The following ZC2HC1C variants were observed in gnomAD, a reference collection of about 807,000 sequenced individuals.
ZC2HC1C encodes the protein zinc finger C2HC-type containing 1C, also known as zinc finger C2HC domain-containing protein 1C.
A neutral mutation model predicts 39.2 loss-of-function variants in ZC2HC1C; 25 were observed. The observed-to-expected ratio is 0.64, with a 90% CI of 0.47 to 0.89. The LOEUF (loss-of-function observed/expected upper bound fraction) is 0.89, where lower values mean the gene tolerates loss of function less well. ZC2HC1C is among the 40% of genes least tolerant of loss of function. The pLI is 0.00. For synonymous variants in ZC2HC1C, 209 were observed against 214.4 expected (o/e 0.97, Z 0.22); for missense variants, 519 against 548.6 (o/e 0.95, Z 0.54).
At position 75,079,141 on chromosome 14, in the gene ZC2HC1C, A is replaced by C. The variant is rs2139692041; in HGVS notation, c.*1577A>C. 1 of 151,158 alleles carries C rather than the reference A, an allele frequency of 6.6e-6. No individual in the cohort carries two copies. The highest frequency in any genetic ancestry group is 6.6e-5 in the Admixed American group (1 of 15,080). The allele number at this position is 151,158 out of a possible 1,614,324, so 9.4% of individuals were successfully genotyped here. On this transcript the variant is annotated 3_prime_UTR_variant, in exon 3 of 3. Coordinates refer to ENST00000524913, the MANE Select transcript of ZC2HC1C (RefSeq NM_024643.4). ...ACAGACAACAAAATCCTATTTTACT[A>C]AGTAACAAATGGCCACTCACTCTTG...
chr14:75,073,674 C>T, intron 2 of ZC2HC1C: 1 of 1,236,792 alleles, frequency 8.1e-7, no homozygotes, highest in Non-Finnish European at 1.1e-6. Flanking sequence ...ACGTAACTCC[C>T]AGCAGACGTA....
Position 75,071,323 on chromosome 14 carries a change from G to A in ZC2HC1C, c.750G>A (p.Thr250=), listed in dbSNP as rs369720613. The A allele has an allele frequency of 9.9e-6, 16 of 1,614,018 alleles. No homozygotes were observed. The highest frequency in any genetic ancestry group is 2.7e-5 in the African/African-American group (2 of 74,906). Residue 250 remains threonine, a synonymous_variant, in exon 2 of 3, where the codon ACG becomes ACA. Coordinates refer to ENST00000524913, the MANE Select transcript of ZC2HC1C (RefSeq NM_024643.4). ...AGGAGGAACTCAGAAGGATCCAGAC[G>A]CAAAAGGAACAGGCCAAGGAAAATG... ...KTEEELRRIQ[T]QKEQAKENEN... is the part of the protein sequence containing the mutation.
intron 2 of ZC2HC1C, among the ~76,000 whole-genome samples, chr14:75,075,169 C>T (rs1566630306): frequency 2.0e-5 from 3 of 152,158 alleles, no homozygotes; most frequent in Admixed American, 6.5e-5. Flanking sequence ...CATCTGTTAA[C>T]GTTTTTGTAA....
chr14:75,073,697 C>G (rs1038598922), intron 2 of ZC2HC1C: 1 of 1,124,398 alleles, frequency 8.9e-7, no homozygotes, highest in Admixed American at 2.3e-5. Flanking sequence ...CCCTGTCTCT[C>G]TCCTGGACTG....
chr14:75,074,465 A>G (rs1893574253), intron 2 of ZC2HC1C, among the ~76,000 whole-genome samples: 1 of 152,182 alleles, frequency 6.6e-6, no homozygotes, highest in African/African-American at 2.4e-5. Context: ...CAGCCCCCGG[A>G]GGCAGCCTTC....
In ZC2HC1C at chr14:75,079,215, C is replaced by CAAAAAA. The variant is rs66560922; in HGVS notation, c.*1666_*1671dup. 9.4e-5 allele frequency: 8 copies of CAAAAAA among 85,228 alleles called. No individual in the cohort carries two copies. Among genetic ancestry groups the CAAAAAA allele is most frequent in the Admixed American group, 1.4e-4 (1 of 7,154 alleles). 5.3% of individuals were successfully genotyped at this position (85,228 alleles called of 1,614,324 possible). A position where few individuals can be genotyped will look rare whatever the true frequency, so the allele number is the denominator to read the frequency against. On this transcript the variant is annotated 3_prime_UTR_variant, in exon 3 of 3. Transcript: ENST00000524913. ...CTGGTGACCTAGTGAGACTCCATCTCAAAAAAAAAAAAAAAAAAAAGAAAA... is the reference window on the plus strand; with the variant it reads ...CTGGTGACCTAGTGAGACTCCATCTCAAAAAAAAAAAAAAAAAAAAAAAAAAGAAAA...
chr14:75,077,702 C>T lies in ZC2HC1C; in HGVS notation c.*138C>T, dbSNP rs558479610. The stretch of plus-strand genomic sequence containing the variant: ...ACTGCATTCAGTGTCCTCAGTGTAG[C>T]CACCACTTTGCTCCCAAGGTGGCTG... On this transcript the variant is annotated 3_prime_UTR_variant, in exon 3 of 3. Coordinates refer to ENST00000524913, the MANE Select transcript of ZC2HC1C (RefSeq NM_024643.4). 12 of 1,037,136 alleles carry T rather than the reference C, an allele frequency of 1.2e-5. No individual in the cohort carries two copies. In the South Asian group the frequency reaches 1.8e-4, roughly 15 times the overall value. The allele number at this position is 1,037,136 out of a possible 1,614,324, so 64.2% of individuals were successfully genotyped here.
Position 75,070,965 on chromosome 14 carries a change from A to G in ZC2HC1C, c.392A>G (p.Lys131Arg). Residue 131 changes from lysine to arginine, a missense_variant, in exon 2 of 3, where the codon AAA becomes AGA. By Grantham distance (26) the Lys-to-Arg change is conservative. Transcript: ENST00000524913. ...NNQDFIPFTK[K>R]RVGVDRAFPL... ...CAGGACTTTATCCCCTTTACAAAGAAACGAGTTGGAGTGGACCGGGCGTTC... is the reference window on the plus strand; with the variant it reads ...CAGGACTTTATCCCCTTTACAAAGAGACGAGTTGGAGTGGACCGGGCGTTC... 1 of 1,614,194 alleles carries G rather than the reference A, an allele frequency of 6.2e-7. No individual in the cohort carries two copies. The highest frequency in any genetic ancestry group is 1.6e-4 in the Middle Eastern group (1 of 6,062).
intron 2 of ZC2HC1C, among the ~76,000 whole-genome samples, chr14:75,072,184 C>T (rs1893459184): frequency 1.3e-5 from 2 of 152,174 alleles, no homozygotes; most frequent in African/African-American, 2.4e-5. Context: ...GTGGCAGAGT[C>T]GGCATATAAA....
intron 2 of ZC2HC1C, among the ~76,000 whole-genome samples, chr14:75,072,552 G>A (rs1279599714): frequency 6.6e-6 from 1 of 152,190 alleles, no homozygotes; most frequent in Non-Finnish European, 1.5e-5. Flanking sequence ...TACAAACCAT[G>A]CCCTTGCCAA....
At position 75,069,755 on chromosome 14, in the gene ZC2HC1C, C is replaced by A. The variant is rs1893262963; in HGVS notation, c.-20+6C>A. 1 of 155,238 alleles carries A rather than the reference C, an allele frequency of 6.4e-6. No individual in the cohort carries two copies. Among genetic ancestry groups the A allele is most frequent in the Non-Finnish European group, 1.4e-5 (1 of 70,226 alleles). 9.6% of individuals were successfully genotyped at this position (155,238 alleles called of 1,614,324 possible). ...GCGGTGCCCGAGGGCCTCAGGTACGCAGAAGGGCGGGGAGACATGGGATCA... is the reference window on the plus strand; with the variant it reads ...GCGGTGCCCGAGGGCCTCAGGTACGAAGAAGGGCGGGGAGACATGGGATCA... On this transcript the variant is annotated splice_donor_region_variant and intron_variant, in intron 1 of 2. Coordinates refer to ENST00000524913, the MANE Select transcript of ZC2HC1C (RefSeq NM_024643.4).
chr14:75,075,635 A>G (rs1893632935), intron 2 of ZC2HC1C, among the ~76,000 whole-genome samples: 1 of 152,204 alleles, frequency 6.6e-6, no homozygotes. Context: ...TTAAAAGGCT[A>G]CGGGATTCTC....
intron 2 of ZC2HC1C, among the ~76,000 whole-genome samples, chr14:75,072,548 C>A (rs374638124): frequency 7.2e-5 from 11 of 152,182 alleles, no homozygotes; most frequent in African/African-American, 2.4e-4. Context: ...ATCTTACAAA[C>A]CATGCCCTTG....
chr14:75,070,532 TA>T, intron 1 of ZC2HC1C, 22 bp from the exon 2 acceptor site: 2 of 1,550,630 alleles, frequency 1.3e-6, no homozygotes, highest in Admixed American at 4.1e-5. Flanking sequence ...TCTTCCCGTG[TA>T]TCTGGTTTAA....
At chr14:75,073,550 G>A in intron 2 of ZC2HC1C, 2 of 1,288,820 alleles carry the variant, frequency 1.6e-6, no homozygotes, top group Non-Finnish European at 2.0e-6. Flanking sequence ...CCCTGGTAAT[G>A]TCTCAAATCT....
Position 75,071,349 on chromosome 14 carries a change from A to G in ZC2HC1C, c.776A>G (p.Glu259Gly). The change falls in exon 2 of 3, where the codon GAA becomes GGA. Residue 259 changes from glutamate to glycine, a missense_variant. Coordinates refer to ENST00000524913, the MANE Select transcript of ZC2HC1C (RefSeq NM_024643.4). ...CAAAAGGAACAGGCCAAGGAAAATGAAAACGGAGAGCTACAGAAAATTATA... is the reference window on the plus strand; with the variant it reads ...CAAAAGGAACAGGCCAAGGAAAATGGAAACGGAGAGCTACAGAAAATTATA... ...QTQKEQAKENENGELQKIILP... is the reference protein window; with the variant it reads ...QTQKEQAKENGNGELQKIILP... 1 of 1,614,046 alleles carries G rather than the reference A, an allele frequency of 6.2e-7. No individual in the cohort carries two copies. Among genetic ancestry groups the G allele is most frequent in the Non-Finnish European group, 8.5e-7 (1 of 1,179,990 alleles).
At chr14:75,075,617 C>T (rs975098486) in intron 2 of ZC2HC1C, among the ~76,000 whole-genome samples, 9 of 151,370 alleles carry the variant, frequency 5.9e-5, no homozygotes, top group Non-Finnish European at 1.2e-4. Context: ...TACAAGAAAC[C>T]TTTTTTTTTA....
In ZC2HC1C at chr14:75,071,228, G is replaced by T; in HGVS notation, c.655G>T (p.Ala219Ser). ...EWVQIRRLEA[A>S]GESLEEEIRR... ...GGTGCAGATCCGAAGACTAGAAGCT[G>T]CAGGGGAGAGCTTAGAGGAGGAAAT... Residue 219 changes from alanine to serine, a missense_variant, in exon 2 of 3, where the codon GCA becomes TCA. Transcript: ENST00000524913. 1 of 1,614,220 alleles carries T rather than the reference G, an allele frequency of 6.2e-7. No individual in the cohort carries two copies. The highest frequency in any genetic ancestry group is 8.5e-7 in the Non-Finnish European group (1 of 1,180,046).
In ZC2HC1C at chr14:75,074,295, C is replaced by A. The variant is rs1024478816; in HGVS notation, c.1338+2384C>A. 7.2e-5 allele frequency among the ~76,000 whole-genome samples: 11 copies of A among 152,150 alleles called. No individual in the cohort carries two copies. In the East Asian group the frequency reaches 1.7e-3, roughly 24 times the overall value. ...TTGGCAAGAGACTTTCTGGAAGGAT[C>A]CTTTCTTTTCCTTTGATAGTATCTC... is the stretch of plus-strand genomic sequence containing the variant. On this transcript the variant is annotated intron_variant, in intron 2 of 2. Transcript: ENST00000524913.
Sources: gnomAD v4.1 joint callset for allele counts (sites outside exome capture counted in the v4.1 genomes callset) on GRCh38, gnomAD v4.1.1 for gene constraint, MANE v1.5 for transcripts, NCBI Gene and HGNC (gene_info 2026-07-23, HGNC 2026-07-21) for gene names.